The following SLC25A26 variants were observed in gnomAD, a reference collection of about 807,000 sequenced individuals.
SLC25A26 encodes mitochondrial S-adenosylmethionine carrier protein.
SLC25A26 carries 36 observed loss-of-function variants against 37.8 expected under a neutral mutation model. The observed-to-expected ratio is 0.95, with a 90% CI of 0.73 to 1.26. The LOEUF (loss-of-function observed/expected upper bound fraction) is 1.26. Among genes scored for constraint, SLC25A26 ranks in the 50% most tolerant of loss-of-function variants. The pLI is 0.00. For missense variants in SLC25A26, 390 were observed against 331.1 expected, an observed-to-expected ratio of 1.18 and a Z score of -1.38; for synonymous variants, 129 against 122.5, an observed-to-expected ratio of 1.05 and a Z score of -0.35.
At chr3:66,369,899 C>T (rs1291620393) in intron 8 of SLC25A26, among the ~76,000 whole-genome samples, 1 of 152,158 alleles carries the variant, frequency 6.6e-6, no homozygotes, top group African/African-American at 2.4e-5. Flanking sequence ...CATGGTTGGC[C>T]TTAACTGGAT....
intron 5 of SLC25A26, among the ~76,000 whole-genome samples, chr3:66,299,277 C>T (rs577829681): frequency 2.0e-5 from 3 of 152,214 alleles, no homozygotes; most frequent in Admixed American, 6.5e-5. Context: ...CTGCAACCTC[C>T]GCCTCCTGGG....
At chr3:66,304,209 G>A (rs796127119) in intron 5 of SLC25A26, among the ~76,000 whole-genome samples, 7 of 152,280 alleles carry the variant, frequency 4.6e-5, no homozygotes, top group Admixed American at 6.5e-5. Flanking sequence ...ATGTAACTTC[G>A]TCACAGGACT....
chr3:66,170,417 A>G (rs1181766745), intron 1 of SLC25A26, among the ~76,000 whole-genome samples: 2 of 152,198 alleles, frequency 1.3e-5, no homozygotes. Context: ...TGCACAGGAC[A>G]CTAATGCTCA....
chr3:66,196,228 C>G lies in SLC25A26; in HGVS notation c.-353-24514C>G, dbSNP rs1401559047. Among the ~76,000 whole-genome samples the G allele has an allele frequency of 3.3e-5, 5 of 152,270 alleles. No homozygotes were observed. The East Asian group carries it at 9.6e-4, about 29-fold the overall frequency. On this transcript the variant is annotated intron_variant, in intron 1 of 10. Transcript: ENST00000676754. The stretch of plus-strand genomic sequence containing the variant: ...AACTTATTTGTTCATAAGAATTTAT[C>G]TTCCAGTATTTTAAAATTTTGAAAA...
intron 7 of SLC25A26, 85 bp downstream of exon 7, chr3:66,363,014 G>A (rs1245898843): frequency 2.4e-6 from 2 of 840,224 alleles, no homozygotes; most frequent in Non-Finnish European, 3.6e-6. Flanking sequence ...ACATTCTTTA[G>A]ACATTCCAGG....
chr3:66,356,601 G>A (rs1367990494), intron 6 of SLC25A26, among the ~76,000 whole-genome samples: 1 of 151,998 alleles, frequency 6.6e-6, no homozygotes, highest in African/African-American at 2.4e-5. Flanking sequence ...TTATACTATG[G>A]AAGCTGGGTG....
intron 3 of SLC25A26, among the ~76,000 whole-genome samples, chr3:66,249,060 G>A (rs1385479981): frequency 2.0e-5 from 3 of 152,178 alleles, no homozygotes; most frequent in Non-Finnish European, 4.4e-5. Context: ...ACAACACTGG[G>A]TGTGGTGTAC....
chr3:66,353,756 G>A (rs559690815), intron 6 of SLC25A26, among the ~76,000 whole-genome samples: 1 of 152,328 alleles, frequency 6.6e-6, no homozygotes, highest in African/African-American at 2.4e-5. Context: ...ACTTGAGTCA[G>A]TTCTCAGAGA....
chr3:66,182,818 G>C (rs2070741767), intron 1 of SLC25A26, among the ~76,000 whole-genome samples: 1 of 151,940 alleles, frequency 6.6e-6, no homozygotes, highest in African/African-American at 2.4e-5. Flanking sequence ...TAGGAGGCTG[G>C]GACCAACCCC....
intron 9 of SLC25A26, 33 bp from the exon 10 acceptor site, chr3:66,377,657 G>T: frequency 6.5e-7 from 1 of 1,528,420 alleles, no homozygotes; most frequent in South Asian, 1.1e-5. Context: ...TTTAAAATAC[G>T]CACAACATTA....
rs1241719002 is a variant in SLC25A26 at position 66,193,433 on chromosome 3, T to A, written c.-353-27309T>A. ...TCCCTTGGATAACCTTGACCTAATT[T>A]TATTTGATCAAAGTTAAAATGCTAT... On this transcript the variant is annotated intron_variant, in intron 1 of 10. Transcript: ENST00000676754. Among the ~76,000 whole-genome samples the A allele has an allele frequency of 5.3e-5, 8 of 152,170 alleles. No homozygotes were observed. The East Asian group carries it at 1.5e-3, about 29-fold the overall frequency.
intron 5 of SLC25A26, among the ~76,000 whole-genome samples, chr3:66,334,536 G>A (rs932305853): frequency 1.3e-5 from 2 of 151,906 alleles, no homozygotes; most frequent in Non-Finnish European, 2.9e-5. Context: ...GGCTGGTCTC[G>A]AACTTTTGGC....
rs562516573 is a variant in SLC25A26, at chr3:66,252,553, A to G, written c.300+9241A>G. On this transcript the variant is annotated intron_variant, in intron 3 of 9. Transcript: ENST00000354883. ...GCTCTTTTCCTCATCTTGAAAAAATAGGATTAATGCCATCCCAGTCACAGT... is the reference window on the plus strand; with the variant it reads ...GCTCTTTTCCTCATCTTGAAAAAATGGGATTAATGCCATCCCAGTCACAGT... 1.5e-4 allele frequency among the ~76,000 whole-genome samples: 23 copies of G among 152,320 alleles called. No individual in the cohort carries two copies. In the South Asian group the frequency reaches 4.4e-3, roughly 29 times the overall value.
intron 1 of SLC25A26, among the ~76,000 whole-genome samples, chr3:66,212,951 C>T (rs2071306004): frequency 6.6e-6 from 1 of 152,186 alleles, no homozygotes; most frequent in South Asian, 2.1e-4. Context: ...CAGAGGGACA[C>T]AATCTTTTCC....
chr3:66,259,526 G>C (rs2073439681), intron 3 of SLC25A26, among the ~76,000 whole-genome samples: 1 of 152,066 alleles, frequency 6.6e-6, no homozygotes, highest in Non-Finnish European at 1.5e-5. Context: ...ATCCAAACCA[G>C]AAACAGAAGC....
chr3:66,175,323 C>A (rs1463248773), intron 1 of SLC25A26, among the ~76,000 whole-genome samples: 1 of 151,904 alleles, frequency 6.6e-6, no homozygotes, highest in Non-Finnish European at 1.5e-5. Context: ...CTCCCAGGTT[C>A]AAGTGATTCT....
At chr3:66,356,091 A>G in intron 6 of SLC25A26, 1 of 456,304 alleles carries the variant, frequency 2.2e-6, no homozygotes, top group Non-Finnish European at 4.4e-6. Flanking sequence ...AGTTGTAAGT[A>G]TTTGTTCACT....
intron 1 of SLC25A26, among the ~76,000 whole-genome samples, chr3:66,138,918 ACAGT>A (rs1197752254): frequency 2.0e-5 from 3 of 152,106 alleles, no homozygotes; most frequent in Admixed American, 2.0e-4. Flanking sequence ...GGAAAGACAA[ACAGT>A]CATTCTTTTT....
At chr3:66,293,707 A>G (rs2074795151) in intron 5 of SLC25A26, among the ~76,000 whole-genome samples, 1 of 152,176 alleles carries the variant, frequency 6.6e-6, no homozygotes, top group Non-Finnish European at 1.5e-5. Context: ...ATATTCCTGC[A>G]AAGGAAGTGA....
Sources: allele counts gnomAD v4.1 joint callset (sites outside exome capture counted in the v4.1 genomes callset), GRCh38; gene constraint gnomAD v4.1.1; transcripts MANE v1.5; gene names NCBI Gene and HGNC (gene_info 2026-07-23, HGNC 2026-07-21).